ERC2: variants seen among roughly 807,000 people sequenced by gnomAD.
ERC2 encodes ELKS/RAB6-interacting/CAST family member 2, also known as ERC protein 2.
In ERC2, 42 loss-of-function variants were observed where a neutral mutation model predicts 114.8. That is an observed-to-expected ratio of 0.37 (90% CI 0.29 to 0.47). The LOEUF is 0.47. Ranked by LOEUF, ERC2 falls within the 20% of genes least tolerant of loss-of-function variation. ERC2 has a pLI of 0.99. For synonymous variants in ERC2, 454 were observed against 425.5 expected, an observed-to-expected ratio of 1.07 and a Z score of -0.82; for missense variants, 939 against 1,150.7, an observed-to-expected ratio of 0.82 and a Z score of 2.66.
At chr3:55,528,829 G>A (rs189217823) in intron 17 of ERC2, among the ~76,000 whole-genome samples, 1 of 152,250 alleles carries the variant, frequency 6.6e-6, no homozygotes, top group East Asian at 1.9e-4. Context: ...GATGCCAGTA[G>A]TACCCTAGTT....
At position 56,405,887 on chromosome 3, in the gene ERC2, CTTTTTTTTT is replaced by C. The variant is rs72095902; in HGVS notation, c.657+28455_657+28463del. 8.2e-5 allele frequency among the ~76,000 whole-genome samples: 7 copies of C among 85,172 alleles called. No homozygotes were observed. The East Asian group carries it at 1.4e-3, about 17-fold the overall frequency. 55.9% of individuals were successfully genotyped at this position (85,172 alleles called of 152,430 possible). ...GGTCAAAGGATATGAACTTTTTTTT[CTTTTTTTTT>C]TTTTTTTTTTTTTTGAGATAGAGTC... On this transcript the variant is annotated intron_variant, in intron 2 of 17. Coordinates refer to ENST00000288221, the MANE Select transcript of ERC2 (RefSeq NM_015576.3).
chr3:55,641,581 C>CAAAAAAA (rs2060188651), intron 17 of ERC2, among the ~76,000 whole-genome samples: 2 of 102,484 alleles, frequency 2.0e-5, no homozygotes, highest in Admixed American at 1.0e-4. Flanking sequence ...AAAAAAAAAG[C>CAAAAAAA]CAATATACAC....
At chr3:56,445,543 G>T (rs571467019) in intron 1 of ERC2, among the ~76,000 whole-genome samples, 2 of 152,184 alleles carry the variant, frequency 1.3e-5, no homozygotes, top group South Asian at 4.1e-4. Context: ...ATACAATTAC[G>T]ATTATAAAAT....
At chr3:56,044,274 CTG>C (rs1299791699) in intron 7 of ERC2, among the ~76,000 whole-genome samples, 4 of 152,072 alleles carry the variant, frequency 2.6e-5, no homozygotes, top group African/African-American at 9.7e-5. Flanking sequence ...AGCTATAAAA[CTG>C]TGCTATTTAA....
chr3:55,543,641 G>C (rs2054547945), intron 17 of ERC2, among the ~76,000 whole-genome samples: 1 of 152,200 alleles, frequency 6.6e-6, no homozygotes, highest in African/African-American at 2.4e-5. Flanking sequence ...AATGAAGGAG[G>C]CACTTAAGCT....
chr3:55,902,944 T>C (rs1024394083), intron 13 of ERC2, among the ~76,000 whole-genome samples: 8 of 152,264 alleles, frequency 5.3e-5, no homozygotes, highest in African/African-American at 1.9e-4. Context: ...CTGATGTGCA[T>C]AATTTTCATG....
intron 2 of ERC2, among the ~76,000 whole-genome samples, chr3:56,404,601 A>G (rs1463915901): frequency 6.6e-6 from 1 of 152,190 alleles, no homozygotes; most frequent in Non-Finnish European, 1.5e-5. Flanking sequence ...AAGGATAAAT[A>G]CTTGAGGGAA....
At chr3:55,701,380 G>C (rs2063216805) in intron 15 of ERC2, among the ~76,000 whole-genome samples, 1 of 152,040 alleles carries the variant, frequency 6.6e-6, no homozygotes, top group Non-Finnish European at 1.5e-5. Context: ...TAGCAGAAAA[G>C]GCAAACAGCT....
intron 14 of ERC2, among the ~76,000 whole-genome samples, chr3:55,808,540 A>T (rs2059576489): frequency 6.6e-6 from 1 of 151,654 alleles, no homozygotes. Flanking sequence ...GCACTGGGAG[A>T]GGAGGGAGGG....
intron 13 of ERC2, among the ~76,000 whole-genome samples, chr3:55,893,164 G>A (rs550199637): frequency 6.6e-6 from 1 of 152,256 alleles, no homozygotes; most frequent in Admixed American, 6.5e-5. Flanking sequence ...CAGAATGTGA[G>A]AAATACATTT....
chr3:56,208,901 G>T (rs995814674), intron 3 of ERC2, among the ~76,000 whole-genome samples: 4 of 152,138 alleles, frequency 2.6e-5, no homozygotes, highest in African/African-American at 9.7e-5. Flanking sequence ...CACAGCCTCA[G>T]ACACCAACTC....
chr3:55,936,123 C>T (rs1303938), intron 13 of ERC2, among the ~76,000 whole-genome samples: 84,734 of 151,950 alleles, frequency 0.56, 25,748 homozygotes, highest in Non-Finnish European at 0.66. Context: ...AGGCAGAACA[C>T]ACACTCCTGC....
chr3:55,953,542 A>G (rs1559925571), intron 12 of ERC2, among the ~76,000 whole-genome samples: 1 of 152,212 alleles, frequency 6.6e-6, no homozygotes, highest in Non-Finnish European at 1.5e-5. Context: ...TTGAAAGTCA[A>G]AAGGGAAAAG....
rs762504811 is a variant in ERC2, at chr3:56,000,572, A to G, written c.2061+6609T>C. Among the ~76,000 whole-genome samples, 82 of 152,170 alleles carry G rather than the reference A, an allele frequency of 5.4e-4. 1 individual carries two copies. The highest frequency in any genetic ancestry group is 8.5e-4 in the Non-Finnish European group (58 of 68,022). ...CAACTTCAGTAGTTATTAAAGAAAG[A>G]AAAGTTAAAAAGGCAAAAAAAAATT... On this transcript the variant is annotated intron_variant, in intron 10 of 17. Coordinates refer to ENST00000288221, the MANE Select transcript of ERC2 (RefSeq NM_015576.3).
At chr3:55,549,960 C>CAG (rs368950409) in intron 17 of ERC2, among the ~76,000 whole-genome samples, 52 of 110,848 alleles carry the variant, frequency 4.7e-4, no homozygotes, top group African/African-American at 1.1e-3. Flanking sequence ...GAGAGAGAGA[C>CAG]AGAGAGAGAG....
intron 6 of ERC2, among the ~76,000 whole-genome samples, chr3:56,120,019 T>C (rs546965414): frequency 1.3e-5 from 2 of 152,318 alleles, no homozygotes; most frequent in South Asian, 2.1e-4. Context: ...ATGAGAATGC[T>C]CAAAAGTTTT....
chr3:55,819,261 C>T (rs1177222591), intron 14 of ERC2, among the ~76,000 whole-genome samples: 1 of 152,204 alleles, frequency 6.6e-6, no homozygotes, highest in East Asian at 1.9e-4. Flanking sequence ...GATCCCTTGA[C>T]ATGGCAAAAC....
intron 3 of ERC2, among the ~76,000 whole-genome samples, chr3:56,221,041 T>C (rs1213292559): frequency 2.0e-5 from 3 of 152,150 alleles, no homozygotes; most frequent in African/African-American, 7.2e-5. Context: ...ATATACATAA[T>C]ACTCTAATAC....
chr3:55,810,219 A>G (rs7633241), intron 14 of ERC2, among the ~76,000 whole-genome samples: 8,881 of 152,212 alleles, frequency 0.058, 384 homozygotes, highest in African/African-American at 0.12. Context: ...AGAAAATCCA[A>G]AATATAAAGA....
Sources: allele counts gnomAD v4.1 joint callset (sites outside exome capture counted in the v4.1 genomes callset), GRCh38; gene constraint gnomAD v4.1.1; transcripts MANE v1.5; gene names NCBI Gene and HGNC (gene_info 2026-07-23, HGNC 2026-07-21).